Variants in ASIC2 observed in about 807,000 individuals in gnomAD.
ASIC2 encodes acid-sensing ion channel 2.
In ASIC2, 25 loss-of-function variants were observed where a neutral mutation model predicts 57.3. The ratio of observed to expected loss-of-function variants is 0.44; its 90% CI spans 0.32 to 0.61. ASIC2 has a LOEUF of 0.61. Among genes scored for constraint, ASIC2 ranks in the 20% least tolerant of loss-of-function variants. The pLI is 0.06. For missense variants in ASIC2, 641 were observed against 738.1 expected, an observed-to-expected ratio of 0.87 and a Z score of 1.52; for synonymous variants, 319 against 307.5, an observed-to-expected ratio of 1.04 and a Z score of -0.39.
At chr17:33,184,002 A>G (rs143330982) in intron 1 of ASIC2, among the ~76,000 whole-genome samples, 144 of 152,310 alleles carry the variant, frequency 9.5e-4, no homozygotes, top group African/African-American at 3.3e-3. Flanking sequence ...TCACAGGACT[A>G]TTTTGAGGAT....
chr17:33,538,170 A>ACT (rs1408565976), intron 1 of ASIC2, among the ~76,000 whole-genome samples: 5 of 152,086 alleles, frequency 3.3e-5, no homozygotes, highest in African/African-American at 1.2e-4. Flanking sequence ...GTAAATGATC[A>ACT]CTCTTTTTAT....
chr17:33,251,110 C>T (rs1165193662), intron 1 of ASIC2, among the ~76,000 whole-genome samples: 1 of 152,200 alleles, frequency 6.6e-6, no homozygotes, highest in African/African-American at 2.4e-5. Flanking sequence ...CTTTGACTAT[C>T]AGAGAGAGAC....
At chr17:34,007,116 G>T (rs982330724) in intron 1 of ASIC2, among the ~76,000 whole-genome samples, 1 of 152,176 alleles carries the variant, frequency 6.6e-6, no homozygotes, top group African/African-American at 2.4e-5. Context: ...TCTTTTCCTG[G>T]AAGGTAACAG....
At chr17:33,543,612 TC>T (rs1269327402) in intron 1 of ASIC2, among the ~76,000 whole-genome samples, 2 of 152,238 alleles carry the variant, frequency 1.3e-5, no homozygotes, top group African/African-American at 4.8e-5. Flanking sequence ...CTGTCTGTGG[TC>T]CCTGCTAGCA....
chr17:33,791,178 T>C (rs1270619768), intron 1 of ASIC2, among the ~76,000 whole-genome samples: 9 of 152,194 alleles, frequency 5.9e-5, no homozygotes, highest in Non-Finnish European at 8.8e-5. Flanking sequence ...TGAGGATTTA[T>C]GTCAAAGTCA....
At chr17:33,108,670 G>A (rs1209192265) in intron 2 of ASIC2, among the ~76,000 whole-genome samples, 1 of 152,236 alleles carries the variant, frequency 6.6e-6, no homozygotes, top group Non-Finnish European at 1.5e-5. Flanking sequence ...ACCAGCATCT[G>A]CAAGAGGCAG....
intron 1 of ASIC2, among the ~76,000 whole-genome samples, chr17:34,040,360 C>G (rs1908078700): frequency 7.0e-6 from 1 of 143,456 alleles, no homozygotes; most frequent in Non-Finnish European, 1.5e-5. Context: ...ACTAGTGAAA[C>G]CGCGTGTTTC....
At chr17:33,381,904 C>G (rs943338721) in intron 1 of ASIC2, among the ~76,000 whole-genome samples, 8 of 152,074 alleles carry the variant, frequency 5.3e-5, no homozygotes, top group Non-Finnish European at 1.0e-4. Context: ...AAAGATGAAC[C>G]AAAGTGAGGG....
intron 1 of ASIC2, among the ~76,000 whole-genome samples, chr17:33,153,699 G>A (rs1369292485): frequency 6.6e-6 from 1 of 152,170 alleles, no homozygotes; most frequent in African/African-American, 2.4e-5. Flanking sequence ...TTCCCTTCAA[G>A]GAAAGACAGA....
chr17:33,483,882 T>TG (rs1231511101), intron 1 of ASIC2, among the ~76,000 whole-genome samples: 1 of 152,110 alleles, frequency 6.6e-6, no homozygotes, highest in Non-Finnish European at 1.5e-5. Flanking sequence ...GATCTTGCCA[T>TG]GGGGAAATTA....
intron 1 of ASIC2, chr17:33,932,741 A>AAAATATATATATATATATATAT (rs1555572867): frequency 6.8e-5 from 4 of 58,708 alleles, no homozygotes; most frequent in Non-Finnish European, 1.2e-4. Context: ...AAAAAAAAAA[A>AAAATATATATATATATATATAT]ATATATATAT....
chr17:34,074,200 G>A (rs865853356), intron 1 of ASIC2, among the ~76,000 whole-genome samples: 1 of 152,184 alleles, frequency 6.6e-6, no homozygotes, highest in East Asian at 1.9e-4. Flanking sequence ...AAGACCTCCA[G>A]AGGATGGTGA....
chr17:33,807,777 A>G (rs1041491674), intron 1 of ASIC2, among the ~76,000 whole-genome samples: 5 of 152,208 alleles, frequency 3.3e-5, no homozygotes, highest in Non-Finnish European at 5.9e-5. Context: ...ATTAATTTGC[A>G]TTTGTCTGAT....
At chr17:33,767,841 G>A (rs1910978775) in intron 1 of ASIC2, among the ~76,000 whole-genome samples, 1 of 152,128 alleles carries the variant, frequency 6.6e-6, no homozygotes, top group Admixed American at 6.6e-5. Flanking sequence ...TGCTATAGGA[G>A]GTGAATTTTA....
intron 1 of ASIC2, among the ~76,000 whole-genome samples, chr17:33,208,293 G>A (rs1907144633): frequency 6.6e-6 from 1 of 152,094 alleles, no homozygotes; most frequent in African/African-American, 2.4e-5. Flanking sequence ...TTCCAGGTGG[G>A]GTAATCAATC....
At chr17:33,103,251 T>A (rs2092221189) in intron 2 of ASIC2, among the ~76,000 whole-genome samples, 1 of 152,198 alleles carries the variant, frequency 6.6e-6, no homozygotes, top group South Asian at 2.1e-4. Flanking sequence ...TCAAAAGGCG[T>A]ATATGGTGTC....
chr17:33,161,622 G>A (rs774291852), intron 1 of ASIC2, among the ~76,000 whole-genome samples: 6 of 152,092 alleles, frequency 3.9e-5, no homozygotes, highest in Non-Finnish European at 8.8e-5. Flanking sequence ...TTGAGGGCTG[G>A]GATTCTTTCA....
chr17:33,796,915 C>A (rs1370095877), intron 1 of ASIC2, among the ~76,000 whole-genome samples: 1 of 152,152 alleles, frequency 6.6e-6, no homozygotes, highest in Non-Finnish European at 1.5e-5. Flanking sequence ...TTTATTTATT[C>A]ATTCAACCAA....
In ASIC2 at chr17:34,067,376, A is replaced by T. The variant is rs1313482154; in HGVS notation, c.555+88602T>A. ...CTTGCTGAAATTTAAAGGAAAGCAA[A>T]TTTTTTTAAAAATGGAATTTTTTTG... On this transcript the variant is annotated intron_variant, in intron 1 of 9. Transcript: ENST00000359872. Among the ~76,000 whole-genome samples, 4 of 152,284 alleles carry T rather than the reference A, an allele frequency of 2.6e-5. No homozygotes were observed. In the South Asian group the frequency reaches 6.2e-4, roughly 24 times the overall value.
Sources: allele counts gnomAD v4.1 joint callset (sites outside exome capture counted in the v4.1 genomes callset), GRCh38; gene constraint gnomAD v4.1.1; transcripts MANE v1.5; gene names NCBI Gene and HGNC (gene_info 2026-07-23, HGNC 2026-07-21).